The following SCAF4 variants were observed in gnomAD, a reference collection of about 807,000 sequenced individuals.
SCAF4 encodes SR-related and CTD-associated factor 4.
In SCAF4, 25 loss-of-function variants were observed where a neutral mutation model predicts 129.8. The ratio of observed to expected loss-of-function variants is 0.19; its 90% CI spans 0.14 to 0.27. The LOEUF (loss-of-function observed/expected upper bound fraction) is 0.27, where lower values mean the gene tolerates loss of function less well. Among genes scored for constraint, SCAF4 ranks in the 10% least tolerant of loss-of-function variants. The pLI is 1.00. For missense variants in SCAF4, 1,246 were observed against 1,457.1 expected, an observed-to-expected ratio of 0.86 and a Z score of 2.36; for synonymous variants, 551 against 497.7, an observed-to-expected ratio of 1.11 and a Z score of -1.43.
At chr21:31,686,449 G>T (rs567016516) in intron 16 of SCAF4, among the ~76,000 whole-genome samples, 3 of 152,086 alleles carry the variant, frequency 2.0e-5, no homozygotes, top group African/African-American at 7.2e-5. Context: ...TCTCCCACCC[G>T]CTTTAGTTAG....
intron 16 of SCAF4, among the ~76,000 whole-genome samples, chr21:31,686,444 C>T (rs377080486): frequency 1.3e-5 from 2 of 152,270 alleles, no homozygotes; most frequent in South Asian, 4.1e-4. Context: ...CTGCTTCTCC[C>T]ACCCGCTTTA....
intron 19 of SCAF4, among the ~76,000 whole-genome samples, chr21:31,675,946 T>G (rs1424209801): frequency 1.3e-5 from 2 of 152,116 alleles, no homozygotes; most frequent in Admixed American, 1.3e-4. Flanking sequence ...CCTTGAAATC[T>G]CCGGAGAATG....
chr21:31,686,731 C>T (rs576514001), intron 16 of SCAF4, among the ~76,000 whole-genome samples: 4 of 152,246 alleles, frequency 2.6e-5, no homozygotes, highest in East Asian at 1.9e-4. Flanking sequence ...GTCAGATCAG[C>T]GGCAGCATTA....
intron 19 of SCAF4, among the ~76,000 whole-genome samples, chr21:31,679,977 T>A (rs2049959004): frequency 6.6e-6 from 1 of 152,220 alleles, no homozygotes; most frequent in Non-Finnish European, 1.5e-5. Flanking sequence ...TAACTTTCTA[T>A]CACTGAATGA....
At chr21:31,717,410 T>C (rs2050944795) in intron 1 of SCAF4, among the ~76,000 whole-genome samples, 1 of 152,178 alleles carries the variant, frequency 6.6e-6, no homozygotes. Flanking sequence ...TGGTGTTTGA[T>C]GGGATTGTTT....
At chr21:31,687,149 C>T (rs937272706) in intron 16 of SCAF4, among the ~76,000 whole-genome samples, 1 of 152,174 alleles carries the variant, frequency 6.6e-6, no homozygotes, top group Non-Finnish European at 1.5e-5. Context: ...TTCATGATAG[C>T]TCAGATTTAT....
intron 2 of SCAF4, among the ~76,000 whole-genome samples, chr21:31,705,937 G>A (rs1457747346): frequency 2.0e-5 from 3 of 152,188 alleles, no homozygotes; most frequent in African/African-American, 7.2e-5. Context: ...GGGCGTGGTG[G>A]CGCACACCTG....
chr21:31,710,336 G>A (rs2050770701), intron 1 of SCAF4, among the ~76,000 whole-genome samples: 1 of 152,052 alleles, frequency 6.6e-6, no homozygotes, highest in Non-Finnish European at 1.5e-5. Flanking sequence ...ATCACCTGAG[G>A]TCAGGAGTTC....
At chr21:31,690,528 C>T (rs1025292757) in intron 15 of SCAF4, among the ~76,000 whole-genome samples, 2 of 152,068 alleles carry the variant, frequency 1.3e-5, no homozygotes, top group Non-Finnish European at 2.9e-5. Flanking sequence ...TCAGTTAAGA[C>T]CTATATGATT....
chr21:31,676,468 C>G (rs2049858871), intron 19 of SCAF4, among the ~76,000 whole-genome samples: 1 of 152,174 alleles, frequency 6.6e-6, no homozygotes, highest in Non-Finnish European at 1.5e-5. Context: ...AAATCCCCAA[C>G]ATTGGTTTTA....
chr21:31,673,873 T>C (rs1419375738), intron 19 of SCAF4, among the ~76,000 whole-genome samples: 1 of 152,158 alleles, frequency 6.6e-6, no homozygotes, highest in Non-Finnish European at 1.5e-5. Context: ...AGATTTGTTT[T>C]CCAGGACTAA....
At chr21:31,701,257 G>A (rs2050524821) in intron 6 of SCAF4, 86 bp from the exon 7 acceptor site, 1 of 1,210,218 alleles carries the variant, frequency 8.3e-7, no homozygotes, top group Middle Eastern at 2.1e-4. Flanking sequence ...TGTCTTAAAG[G>A]TGATTCAAAG....
chr21:31,731,933 G>A lies in SCAF4; in HGVS notation c.-241C>T, dbSNP rs180962890. On this transcript the variant is annotated 5_prime_UTR_variant, in exon 1 of 20. Coordinates refer to ENST00000286835, the MANE Select transcript of SCAF4 (RefSeq NM_020706.2). ...CGCAGGATGAGGAAAAGGAGGCGGC[G>A]GCAGCGCTGGTCTTCAACATGTCCG... The A allele has an allele frequency of 6.1e-6, 3 of 491,696 alleles. No homozygotes were observed. Among genetic ancestry groups the A allele is most frequent in the East Asian group, 7.0e-5 (2 of 28,424 alleles). 30.5% of individuals were successfully genotyped at this position (491,696 alleles called of 1,614,324 possible).
intron 1 of SCAF4, among the ~76,000 whole-genome samples, chr21:31,722,903 C>T (rs959135373): frequency 1.3e-5 from 2 of 151,980 alleles, no homozygotes; most frequent in South Asian, 2.1e-4. Context: ...CAGTGAGCTG[C>T]GATTGCGCCA....
intron 19 of SCAF4, among the ~76,000 whole-genome samples, chr21:31,679,616 A>G (rs1352005748): frequency 6.6e-6 from 1 of 152,228 alleles, no homozygotes; most frequent in Non-Finnish European, 1.5e-5. Flanking sequence ...AATGATGCTT[A>G]GAATGTTAGC....
intron 1 of SCAF4, among the ~76,000 whole-genome samples, chr21:31,723,629 T>TGTGTGTGTGTGTGTGC (rs1271033175): frequency 7.4e-5 from 11 of 149,000 alleles, no homozygotes; most frequent in African/African-American, 2.7e-4. Context: ...TGTGTGTGTG[T>TGTGTGTGTGTGTGTGC]GCGCGCGCGC....
chr21:31,676,044 A>C lies in SCAF4; in HGVS notation c.2489-3690T>G, dbSNP rs150702268. 2.9e-3 allele frequency among the ~76,000 whole-genome samples: 447 copies of C among 152,348 alleles called. 2 individuals are homozygous for C. The highest frequency in any genetic ancestry group is 9.9e-3 in the African/African-American group (410 of 41,580). On this transcript the variant is annotated intron_variant, in intron 19 of 19. Coordinates refer to ENST00000286835, the MANE Select transcript of SCAF4 (RefSeq NM_020706.2). ...GTACGCAGTCAGGGAGACAGATATA[A>C]AACATAAAATGTAAAAGGTCTGATT...
chr21:31,693,247 G>C, intron 12 of SCAF4, 47 bp downstream of exon 12: 1 of 1,292,966 alleles, frequency 7.7e-7, no homozygotes, highest in Non-Finnish European at 1.0e-6. Context: ...TTAAACCCAA[G>C]ACATGAAAAA....
chr21:31,723,638 GCGCGCGCGCACATACAGTTCA>G (rs2051132605), intron 1 of SCAF4, among the ~76,000 whole-genome samples: 1 of 151,172 alleles, frequency 6.6e-6, no homozygotes, highest in African/African-American at 2.4e-5. Context: ...GTGCGCGCGC[GCGCGCGCGCACATACAGTTCA>G]AGTTTTCTTT....
Sources: gnomAD v4.1 joint callset for allele counts (sites outside exome capture counted in the v4.1 genomes callset) on GRCh38, gnomAD v4.1.1 for gene constraint, MANE v1.5 for transcripts, NCBI Gene and HGNC (gene_info 2026-07-23, HGNC 2026-07-21) for gene names.